Variants in ZBTB44 observed in about 807,000 individuals in gnomAD.
The protein encoded by ZBTB44 is zinc finger and BTB domain containing 44.
ZBTB44 carries 15 observed loss-of-function variants against 54.0 expected under a neutral mutation model. The ratio of observed to expected loss-of-function variants is 0.28; its 90% CI spans 0.19 to 0.43. The LOEUF (loss-of-function observed/expected upper bound fraction) is 0.43, where lower values mean the gene tolerates loss of function less well. Among genes scored for constraint, ZBTB44 ranks in the 20% least tolerant of loss-of-function variants. The pLI is 1.00. For synonymous variants in ZBTB44, 230 were observed against 250.1 expected, an observed-to-expected ratio of 0.92 and a Z score of 0.76; for missense variants, 487 against 707.1, an observed-to-expected ratio of 0.69 and a Z score of 3.53.
rs146574096 is a variant in ZBTB44 at position 130,261,670 on chromosome 11, G to T, written c.204C>A (p.Asn68Lys). The change falls in exon 2 of 8, where the codon AAC (asparagine) becomes AAA (lysine). Residue 68 changes from asparagine (N) to lysine (K), a missense_variant. Around this residue, in one of 3 missense-constraint regions of ZBTB44, gnomAD observed 90 missense variants for 160.3 expected, o/e 0.56. Transcript: ENST00000357899. The surrounding 1 kb of genome is among the most constrained non-coding windows in gnomAD (Gnocchi z 4.8). ...TKLVGQAEDENKNVLDLHHVT... is the reference protein window; with the variant it reads ...TKLVGQAEDEKKNVLDLHHVT... The stretch of plus-strand genomic sequence containing the variant: ...CATGATGCAGATCCAACACATTCTT[G>T]TTCTCATCCTCGGCTTGGCCTACAA... 1.3e-3 allele frequency: 2,113 copies of T among 1,613,982 alleles called. 2 individuals carry two copies. The highest frequency in any genetic ancestry group is 1.6e-3 in the Non-Finnish European group (1,946 of 1,179,874).
At chr11:130,292,900 C>T (rs1830255496) in intron 1 of ZBTB44, among the ~76,000 whole-genome samples, 1 of 152,122 alleles carries the variant, frequency 6.6e-6, no homozygotes, top group African/African-American at 2.4e-5. Flanking sequence ...CTCTTTTTTA[C>T]TTTACAAATA....
chr11:130,238,737 C>T (rs12275219), intron 3 of ZBTB44, 130 bp from the exon 4 acceptor site: 35,172 of 947,494 alleles, frequency 0.037, 3,014 homozygotes, highest in African/African-American at 0.3. Flanking sequence ...AACTGTTAGA[C>T]TTCAAGTTTT....
rs1953772378 is a variant in ZBTB44, at chr11:130,228,747, G to C, written c.*3017C>G. 1 of 152,080 alleles carries C rather than the reference G, an allele frequency of 6.6e-6. No homozygotes were observed. The highest frequency in any genetic ancestry group is 6.6e-5 in the Admixed American group (1 of 15,266). The allele number at this position is 152,080 out of a possible 1,614,324, so 9.4% of individuals were successfully genotyped here. On this transcript the variant is annotated 3_prime_UTR_variant, in exon 8 of 8. Coordinates refer to ENST00000357899, the MANE Select transcript of ZBTB44 (RefSeq NM_001301098.2). ...ATGAAATCTAAATGTGGCTAGATTGGCATTTGGGAAAACAAGGGCCTTTTA... is the reference window on the plus strand; with the variant it reads ...ATGAAATCTAAATGTGGCTAGATTGCCATTTGGGAAAACAAGGGCCTTTTA...
At chr11:130,255,990 T>A (rs369219920) in intron 2 of ZBTB44, among the ~76,000 whole-genome samples, 17 of 150,744 alleles carry the variant, frequency 1.1e-4, no homozygotes, top group African/African-American at 3.9e-4. Context: ...CCAGACAGAT[T>A]CACCAGACAG....
At chr11:130,293,289 T>C (rs1375004248) in intron 1 of ZBTB44, among the ~76,000 whole-genome samples, 1 of 133,900 alleles carries the variant, frequency 7.5e-6, no homozygotes, top group Non-Finnish European at 1.6e-5. Flanking sequence ...CAGAGAGAAC[T>C]TGTCTCTACT....
intron 1 of ZBTB44, among the ~76,000 whole-genome samples, chr11:130,271,162 T>C (rs979657832): frequency 1.2e-4 from 18 of 152,204 alleles, no homozygotes; most frequent in Middle Eastern, 3.2e-3. Context: ...GGTTTTGCTA[T>C]ATAAAATGCC....
intron 1 of ZBTB44, among the ~76,000 whole-genome samples, chr11:130,307,895 T>C (rs969693740): frequency 1.3e-5 from 2 of 152,122 alleles, no homozygotes; most frequent in African/African-American, 4.8e-5. Flanking sequence ...TTGGCTAATT[T>C]TTGTATTTTT....
intron 2 of ZBTB44, among the ~76,000 whole-genome samples, chr11:130,257,403 G>A (rs1368187530): frequency 1.3e-5 from 2 of 152,142 alleles, no homozygotes; most frequent in African/African-American, 2.4e-5. Context: ...TTTAGGGAGA[G>A]AGAGATTTGA....
chr11:130,270,044 C>T (rs986714562), intron 1 of ZBTB44, among the ~76,000 whole-genome samples: 5 of 152,090 alleles, frequency 3.3e-5, no homozygotes, highest in African/African-American at 1.2e-4. Flanking sequence ...GAGATTAAAA[C>T]GAAGTAGCTC....
At chr11:130,250,685 G>A (rs1278916502) in intron 2 of ZBTB44, among the ~76,000 whole-genome samples, 5 of 152,132 alleles carry the variant, frequency 3.3e-5, no homozygotes, top group Middle Eastern at 3.2e-3. Flanking sequence ...TTCAAAAGAG[G>A]GGCCTGTTAG....
intron 5 of ZBTB44, among the ~76,000 whole-genome samples, chr11:130,234,706 A>T (rs910119049): frequency 1.3e-5 from 2 of 152,250 alleles, no homozygotes; most frequent in Non-Finnish European, 2.9e-5. Flanking sequence ...GACATAGGTT[A>T]GTTAAGAAAC....
At chr11:130,294,301 A>T (rs917108880) in intron 1 of ZBTB44, among the ~76,000 whole-genome samples, 6 of 151,750 alleles carry the variant, frequency 4.0e-5, no homozygotes, top group Admixed American at 2.0e-4. Context: ...CCCAGCTACT[A>T]CTCAGGCGCC....
rs1592098616 is a variant in ZBTB44 at position 130,314,559 on chromosome 11, A to T, written c.-241T>A. 0.012 allele frequency: 3 copies of T among 248 alleles called. No homozygotes were observed. In the East Asian group the frequency reaches 0.38, roughly 31 times the overall value. The allele number at this position is 248 out of a possible 1,614,324, so 0.0% of individuals were successfully genotyped here. ...GGCCGCCGCGCCTAGGCCCGTGAGC[A>T]GCCTGTGGTGGGGCATGGCGGCACA... On this transcript the variant is annotated 5_prime_UTR_variant, in exon 1 of 8. Coordinates refer to ENST00000357899, the MANE Select transcript of ZBTB44 (RefSeq NM_001301098.2).
chr11:130,310,655 T>C (rs915523688), intron 1 of ZBTB44, among the ~76,000 whole-genome samples: 1 of 152,206 alleles, frequency 6.6e-6, no homozygotes, highest in African/African-American at 2.4e-5. Context: ...GAGAATGTAG[T>C]AGATACTAAA....
intron 1 of ZBTB44, among the ~76,000 whole-genome samples, chr11:130,275,943 T>G (rs1211000705): frequency 6.7e-6 from 1 of 149,122 alleles, no homozygotes; most frequent in Non-Finnish European, 1.5e-5. Flanking sequence ...TTAAAATCTA[T>G]TGGCCAGGTG....
chr11:130,262,374 G>T (rs1938932345), intron 1 of ZBTB44, among the ~76,000 whole-genome samples: 1 of 152,082 alleles, frequency 6.6e-6, no homozygotes, highest in Admixed American at 6.5e-5. Flanking sequence ...CCTGACCTCA[G>T]GTGATAGGCC....
In ZBTB44 at chr11:130,264,279, T is replaced by C. The variant is rs114865415; in HGVS notation, c.-56-2350A>G. ...CTACTAACATTGCTATCAAAGACCT[T>C]TTCTTCCTGAAAGGGCCAGAAACCA... On this transcript the variant is annotated intron_variant, in intron 1 of 7. Coordinates refer to ENST00000357899, the MANE Select transcript of ZBTB44 (RefSeq NM_001301098.2). Among the ~76,000 whole-genome samples the C allele has an allele frequency of 3.3e-3, 509 of 152,258 alleles. 1 individual carries two copies. Among genetic ancestry groups the C allele is most frequent in the African/African-American group, 0.011 (477 of 41,534 alleles).
At chr11:130,253,045 G>A (rs1332688339) in intron 2 of ZBTB44, among the ~76,000 whole-genome samples, 1 of 152,092 alleles carries the variant, frequency 6.6e-6, no homozygotes, top group Non-Finnish European at 1.5e-5. Context: ...AATAAATTAG[G>A]TATTAATGGG....
intron 1 of ZBTB44, among the ~76,000 whole-genome samples, chr11:130,272,687 T>C (rs1939762490): frequency 6.9e-6 from 1 of 144,780 alleles, no homozygotes; most frequent in Non-Finnish European, 1.5e-5. Context: ...TTTACTAATA[T>C]CTTTTTTTTT....
Sources: allele counts gnomAD v4.1 joint callset (sites outside exome capture counted in the v4.1 genomes callset), GRCh38; gene constraint gnomAD v4.1.1; regional missense constraint gnomAD v4.1.1; non-coding constraint Gnocchi (gnomAD v3.1); transcripts MANE v1.5; gene names NCBI Gene and HGNC (gene_info 2026-07-23, HGNC 2026-07-21).